ADGRE5: variants seen among roughly 807,000 people sequenced by gnomAD.
ADGRE5 encodes adhesion G protein-coupled receptor E5, also known as CD97 molecule.
A neutral mutation model predicts 100.3 loss-of-function variants in ADGRE5; 72 were observed. The ratio of observed to expected loss-of-function variants is 0.72; its 90% CI spans 0.59 to 0.87. The LOEUF (loss-of-function observed/expected upper bound fraction) is 0.87. Among genes scored for constraint, ADGRE5 ranks in the 40% least tolerant of loss-of-function variants. The pLI is 0.00. For synonymous variants in ADGRE5, 439 were observed against 447.8 expected, an observed-to-expected ratio of 0.98 and a Z score of 0.25; for missense variants, 959 against 1,094.7, an observed-to-expected ratio of 0.88 and a Z score of 1.75.
intron 13 of ADGRE5, chr19:14,405,415 A>T: frequency 3.7e-6 from 1 of 273,310 alleles, no homozygotes; most frequent in Admixed American, 5.4e-5. Context: ...AAGTGCTAGG[A>T]TTAGAGGCAT....
chr19:14,381,706 G>T (rs1975164055), intron 1 of ADGRE5, among the ~76,000 whole-genome samples, 161 bp downstream of exon 1: 1 of 152,160 alleles, frequency 6.6e-6, no homozygotes, highest in African/African-American at 2.4e-5. Flanking sequence ...AGAGGGGCTG[G>T]TGGTGCTTGG....
At chr19:14,405,721 A>AC (rs779033967) in intron 13 of ADGRE5, 27 bp from the exon 14 acceptor site, 1 of 1,584,260 alleles carries the variant, frequency 6.3e-7, no homozygotes, top group Non-Finnish European at 8.6e-7. Context: ...CCCTGAAGGA[A>AC]CCCTGAGCAC....
intron 4 of ADGRE5, among the ~76,000 whole-genome samples, chr19:14,395,561 G>A (rs1346245990): frequency 9.2e-5 from 14 of 152,184 alleles, no homozygotes; most frequent in Non-Finnish European, 1.9e-4. Context: ...CTCACCCATC[G>A]GCACCTGTGC....
At chr19:14,383,953 A>C (rs1568305446) in intron 1 of ADGRE5, among the ~76,000 whole-genome samples, 1 of 152,004 alleles carries the variant, frequency 6.6e-6, no homozygotes, top group South Asian at 2.1e-4. Context: ...CAGTTTCTCT[A>C]TCTGTAGAAT....
chr19:14,403,608 C>T (rs2146372469), intron 12 of ADGRE5, among the ~76,000 whole-genome samples: 1 of 152,218 alleles, frequency 6.6e-6, no homozygotes, highest in African/African-American at 2.4e-5. Flanking sequence ...CCCACCTCAG[C>T]CTCCTGAGTA....
Position 14,406,747 on chromosome 19 carries a change from C to T in ADGRE5, c.2096C>T (p.Pro699Leu). ...EQGFLWSFLG[P>L]VTFIILCNAV... is the part of the protein sequence containing the mutation. ...GGCTTCCTCTGGAGCTTCTTGGGAC[C>T]TGTGACCTTCATCATTTTGGTAAGT... is the stretch of plus-strand genomic sequence containing the variant. The change falls in exon 16 of 20, where the codon CCT (proline) becomes CTT (leucine). Residue 699 changes from proline to leucine, a missense_variant. Transcript: ENST00000242786. This position sits in a 1 kb window ranked among gnomAD's most constrained non-coding sequence, Gnocchi z 6.0. 1 of 1,614,136 alleles carries T rather than the reference C, an allele frequency of 6.2e-7. No homozygotes were observed. The highest frequency in any genetic ancestry group is 8.5e-7 in the Non-Finnish European group (1 of 1,180,014).
rs1976060881 is a variant in ADGRE5, at chr19:14,402,640, A to G, written c.1227A>G (p.Thr409=). The change falls in exon 12 of 20, where the codon ACA becomes ACG. Residue 409 remains threonine (T), a synonymous_variant. Transcript: ENST00000242786. ...AGILSIQNMT[T]LLANASLNLH... The stretch of plus-strand genomic sequence containing the variant: ...TCCTCTCCATCCAGAACATGACGAC[A>G]TTGCTGGCCAATGCCTCCTTGAACC... The G allele has an allele frequency of 6.2e-7, 1 of 1,614,124 alleles. No homozygotes were observed. The highest frequency in any genetic ancestry group is 8.5e-7 in the Non-Finnish European group (1 of 1,180,008).
rs546571458 is a variant in ADGRE5, at chr19:14,391,864, G to A, written c.346+785G>A. 2.1e-3 allele frequency among the ~76,000 whole-genome samples: 319 copies of A among 150,772 alleles called. 1 individual carries two copies. The highest frequency in any genetic ancestry group is 3.4e-3 in the Middle Eastern group (1 of 290). On this transcript the variant is annotated intron_variant, in intron 4 of 19. Coordinates refer to ENST00000242786, the MANE Select transcript of ADGRE5 (RefSeq NM_078481.4). ...TGTAATCCCAACACTTTGGGAGGCC[G>A]AGGTGGGTGGATCACAACGTCAGGA...
At chr19:14,386,994 G>A (rs1179758593) in intron 1 of ADGRE5, among the ~76,000 whole-genome samples, 2 of 151,830 alleles carry the variant, frequency 1.3e-5, no homozygotes, top group African/African-American at 4.8e-5. Flanking sequence ...CAGCCTGGGC[G>A]ACAGAGAGAG....
chr19:14,385,755 G>T (rs996415027), intron 1 of ADGRE5, among the ~76,000 whole-genome samples: 4 of 151,730 alleles, frequency 2.6e-5, no homozygotes, highest in Admixed American at 2.0e-4. Flanking sequence ...GAGCCTGGGT[G>T]ATCCAACACC....
Position 14,402,685 on chromosome 19 carries a change from C to G in ADGRE5, c.1272C>G (p.Ala424=). Residue 424 remains alanine, a synonymous_variant, in exon 12 of 20, where the codon GCC becomes GCG. Transcript: ENST00000242786. ...ASLNLHSKKQ[A]ELEEIYESSI... is the part of the protein sequence containing the mutation. ...TGAACCTGCATTCCAAGAAGCAAGC[C>G]GAACTGGAGGAGATATATGAAAGCA... 5 of 1,614,084 alleles carry G rather than the reference C, an allele frequency of 3.1e-6. No individual in the cohort carries two copies. Among genetic ancestry groups the G allele is most frequent in the Non-Finnish European group, 4.2e-6 (5 of 1,180,016 alleles).
At chr19:14,405,646 GA>G in intron 13 of ADGRE5, 101 bp from the exon 14 acceptor site, 1 of 807,682 alleles carries the variant, frequency 1.2e-6, no homozygotes, top group Non-Finnish European at 2.0e-6. Context: ...GAGGAGGTCA[GA>G]GAGGTGGGCC....
rs747651350 is a variant in ADGRE5, at chr19:14,386,378, C to CAA, written c.23-2047_23-2046dup. ...TGGGCAACAGAGCAAGACTCCATCTCAAAAAAAAAAAAAAAAAAAAAAAAA... is the reference window on the plus strand; with the variant it reads ...TGGGCAACAGAGCAAGACTCCATCTCAAAAAAAAAAAAAAAAAAAAAAAAAAA... On this transcript the variant is annotated intron_variant, in intron 1 of 19. Coordinates refer to ENST00000242786, the MANE Select transcript of ADGRE5 (RefSeq NM_078481.4). 4.3e-3 allele frequency: 59 copies of CAA among 13,622 alleles called. 4 individuals are homozygous for CAA. The highest frequency in any genetic ancestry group is 1.0e-2 in the African/African-American group (47 of 4,710). The allele number at this position is 13,622 out of a possible 1,614,324, so 0.8% of individuals were successfully genotyped here.
At chr19:14,397,356 G>A in intron 6 of ADGRE5, 133 bp downstream of exon 6, 1 of 1,438,900 alleles carries the variant, frequency 6.9e-7, no homozygotes, top group African/African-American at 1.4e-5. Context: ...ATTCTTCTGA[G>A]GCTAGATGAG....
In ADGRE5 at chr19:14,404,458, G is replaced by T; in HGVS notation, c.1525G>T (p.Ala509Ser). 1 of 1,612,224 alleles carries T rather than the reference G, an allele frequency of 6.2e-7. No homozygotes were observed. Among genetic ancestry groups the T allele is most frequent in the Non-Finnish European group, 8.5e-7 (1 of 1,179,700 alleles). The change falls in exon 13 of 20, where the codon GCC becomes TCC. Residue 509 changes from alanine to serine, a missense_variant. By Grantham distance (99) the Ala-to-Ser change is moderately conservative. Coordinates refer to ENST00000242786, the MANE Select transcript of ADGRE5 (RefSeq NM_078481.4). ...KSDSDRGGHW[A>S]TEGCQVLGSK... ...TGACAGCGACAGGGGAGGGCACTGG[G>T]CCACCGAGGGCTGCCAGGTGCTGGG...
rs1347748412 is a variant in ADGRE5 at position 14,407,083 on chromosome 19, G to A, written c.2230G>A (p.Ala744Thr). Residue 744 changes from alanine (A) to threonine (T), a missense_variant, in exon 18 of 20, where the codon GCG (alanine) becomes ACG (threonine). Transcript: ENST00000242786. ...CAGGGCGCTGACCATCACGGCCATCGCGCAGCTCTTCCTGTTGGGCTGCAC... is the reference window on the plus strand; with the variant it reads ...CAGGGCGCTGACCATCACGGCCATCACGCAGCTCTTCCTGTTGGGCTGCAC... ...KARALTITAI[A>T]QLFLLGCTWV... The A allele has an allele frequency of 1.2e-6, 2 of 1,614,134 alleles. No individual in the cohort carries two copies. The highest frequency in any genetic ancestry group is 1.7e-6 in the Non-Finnish European group (2 of 1,180,030).
At chr19:14,407,387 C>T (rs1342395815) in intron 18 of ADGRE5, among the ~76,000 whole-genome samples, 158 bp downstream of exon 18, 2 of 152,074 alleles carry the variant, frequency 1.3e-5, no homozygotes, top group African/African-American at 2.4e-5. Context: ...CAGGGTGAGG[C>T]GCCTGTAATC....
chr19:14,406,458 T>C lies in ADGRE5; in HGVS notation c.1949T>C (p.Leu650Pro). 6.4e-7 allele frequency: 1 copy of C among 1,573,264 alleles called. No individual in the cohort carries two copies. The change falls in exon 15 of 20, where the codon CTG becomes CCG. Residue 650 changes from leucine to proline, a missense_variant. Around this residue, in one of 6 missense-constraint regions of ADGRE5, gnomAD observed 428 missense variants for 386.2 expected, o/e 1.11. Coordinates refer to ENST00000242786, the MANE Select transcript of ADGRE5 (RefSeq NM_078481.4). The surrounding 1 kb of genome is among the most constrained non-coding windows in gnomAD (Gnocchi z 6.0). ...GTGCGCGTGTTCCAAGGCCAGGGCCTGAGTACGCGCTGGCTCTGCCTGATC... is the reference window on the plus strand; with the variant it reads ...GTGCGCGTGTTCCAAGGCCAGGGCCCGAGTACGCGCTGGCTCTGCCTGATC... ...LVVRVFQGQG[L>P]STRWLCLIGY...
chr19:14,400,129 C>T (rs1459880216), intron 9 of ADGRE5, among the ~76,000 whole-genome samples: 2 of 152,102 alleles, frequency 1.3e-5, no homozygotes, highest in African/African-American at 4.8e-5. Flanking sequence ...ATGCCATTCT[C>T]CTGCCTCAGC....
Sources: allele counts gnomAD v4.1 joint callset (sites outside exome capture counted in the v4.1 genomes callset), GRCh38; gene constraint gnomAD v4.1.1; regional missense constraint gnomAD v4.1.1; non-coding constraint Gnocchi (gnomAD v3.1); transcripts MANE v1.5; gene names NCBI Gene and HGNC (gene_info 2026-07-23, HGNC 2026-07-21).